The following PITPNM1 variants were observed in gnomAD, a reference collection of about 807,000 sequenced individuals.
The protein encoded by PITPNM1 is membrane-associated phosphatidylinositol transfer protein 1.
Under a neutral mutation model 133.3 loss-of-function variants are expected in PITPNM1, and 74 were observed. The observed-to-expected ratio is 0.56, with a 90% CI of 0.46 to 0.67. PITPNM1 has a LOEUF of 0.67. Among genes scored for constraint, PITPNM1 ranks in the 30% least tolerant of loss-of-function variants. PITPNM1 has a pLI of 0.00. For synonymous variants in PITPNM1, 738 were observed against 741.4 expected (o/e 1.00, Z 0.08); for missense variants, 1,398 against 1,739.5 (o/e 0.80, Z 3.49).
chr11:67,495,624 C>A, intron 15 of PITPNM1, 22 bp from the exon 16 acceptor site: 1 of 1,542,726 alleles, frequency 6.5e-7, no homozygotes, highest in South Asian at 1.2e-5. Flanking sequence ...AGGGCAAGGT[C>A]AGCAGGGGCC....
rs151074608 is a variant in PITPNM1 at position 67,495,482 on chromosome 11, G to A, written c.2438C>T (p.Pro813Leu). 267 of 1,557,674 alleles carry A rather than the reference G, an allele frequency of 1.7e-4. 2 individuals are homozygous for A. The East Asian group carries it at 3.8e-3, about 22-fold the overall frequency. The change falls in exon 16 of 24, where the codon CCG becomes CTG. Residue 813 changes from proline to leucine, a missense_variant. By Grantham distance (98) the Pro-to-Leu change is moderately conservative. Coordinates refer to ENST00000356404, the MANE Select transcript of PITPNM1 (RefSeq NM_004910.3). Reference protein sequence around the residue: ...WKGSELATDPPAQPAAPSTTS... With the variant: ...WKGSELATDPLAQPAAPSTTS... The stretch of plus-strand genomic sequence containing the variant: ...GGTGCTGGGGGCGGCTGGCTGGGCC[G>A]GGGGGTCAGTGGCCAACTCACTGCC...
rs762374136 is a variant in PITPNM1 at position 67,493,819 on chromosome 11, G to A, written c.3027C>T (p.Ala1009=). ...RMVVRGDHTY[A]ECCLTVVARG... ...GGGCCACCACAGTCAGGCAGCATTCGGCATAGGTGTGGTCGCCCCTGCGGC... is the reference window on the plus strand; with the variant it reads ...GGGCCACCACAGTCAGGCAGCATTCAGCATAGGTGTGGTCGCCCCTGCGGC... The change falls in exon 21 of 24, where the codon GCC becomes GCT. Residue 1009 remains alanine (A), a synonymous_variant. Coordinates refer to ENST00000356404, the MANE Select transcript of PITPNM1 (RefSeq NM_004910.3). The A allele has an allele frequency of 7.9e-5, 123 of 1,548,140 alleles. 1 individual carries two copies. In the East Asian group the frequency reaches 2.9e-3, roughly 37 times the overall value.
At position 67,503,611 on chromosome 11, in the gene PITPNM1, G is replaced by T. The variant is rs554256765; in HGVS notation, c.78+492C>A. Among the ~76,000 whole-genome samples the T allele has an allele frequency of 2.0e-5, 3 of 152,172 alleles. No individual in the cohort carries two copies. The East Asian group carries it at 5.8e-4, about 29-fold the overall frequency. On this transcript the variant is annotated intron_variant, in intron 2 of 23. Coordinates refer to ENST00000356404, the MANE Select transcript of PITPNM1 (RefSeq NM_004910.3). ...TCTGGAGCAGACTCCCCCAGGCCCC[G>T]CACCAACCCGGCCACTGCTGAGGGC...
chr11:67,498,057 C>T lies in PITPNM1; in HGVS notation c.1675-33G>A. 1 of 1,607,394 alleles carries T rather than the reference C, an allele frequency of 6.2e-7. No individual in the cohort carries two copies. ...GGAGCAGGGGCACCATCAGGAGAGG[C>T]CTTGTCCTCACCCAGGCCAGACTAC... On this transcript the variant is annotated intron_variant, in intron 11 of 23. Transcript: ENST00000356404. This position sits in a 1 kb window ranked among gnomAD's most constrained non-coding sequence, Gnocchi z 5.7.
At chr11:67,493,385 C>T (rs1219172614) in intron 22 of PITPNM1, 25 bp downstream of exon 22, 2 of 1,543,492 alleles carry the variant, frequency 1.3e-6, no homozygotes, top group Non-Finnish European at 1.8e-6. Context: ...GGGTCAGGAC[C>T]CGGAGCCTCC....
chr11:67,494,823 G>GGACGAGA, intron 18 of PITPNM1, 23 bp downstream of exon 18: 1 of 769,748 alleles, frequency 1.3e-6, no homozygotes, highest in Non-Finnish European at 2.1e-6. Context: ...AGTGGGCGAG[G>GGACGAGA]GGGCGAGGGG....
chr11:67,497,562 TG>T lies in PITPNM1; in HGVS notation c.1899del (p.Ser634AlafsTer77). On this transcript the variant is annotated frameshift_variant, in exon 13 of 24. Coordinates refer to ENST00000356404, the MANE Select transcript of PITPNM1 (RefSeq NM_004910.3). LOFTEE classifies it high-confidence loss of function. ...TCGGGCTCAGGACTGGCCATGTCGCTGGGGATGCGCTGGGGAGGCAAGGCCG... is the reference window on the plus strand; with the variant it reads ...TCGGGCTCAGGACTGGCCATGTCGCTGGGATGCGCTGGGGAGGCAAGGCCG... Reference protein sequence around the residue: ...EPSALPPQRIPSDMASPEPEG... With the variant: ...EPSALPPQRIXSDMASPEPEG... The T allele has an allele frequency of 2.5e-6, 4 of 1,609,338 alleles. No homozygotes were observed. Among genetic ancestry groups the T allele is most frequent in the Non-Finnish European group, 3.4e-6 (4 of 1,178,852 alleles).
At position 67,496,178 on chromosome 11, in the gene PITPNM1, C is replaced by A. The variant is rs1314282598; in HGVS notation, c.2317G>T (p.Ala773Ser). Residue 773 changes from alanine (A) to serine (S), a missense_variant and splice_region_variant, in exon 15 of 24, where the codon GCC (alanine) becomes TCC (serine). Physicochemically the swap from Ala to Ser is moderately conservative, Grantham distance 99. This residue lies in a region of PITPNM1 where 574 missense variants were observed against 698.7 expected (regional missense o/e 0.82). Coordinates refer to ENST00000356404, the MANE Select transcript of PITPNM1 (RefSeq NM_004910.3). ...CCCTTTATCTTGTTTGGGGGCGTAC[C>A]CAGCAGCAGGGATGAGCCATCTCCC... ...PLGDGSSLLL[A>S]DTLQTHSSLF... The A allele has an allele frequency of 5.9e-6, 9 of 1,518,450 alleles. No homozygotes were observed. Among genetic ancestry groups the A allele is most frequent in the Middle Eastern group, 1.7e-4 (1 of 5,764 alleles). 94.1% of individuals were successfully genotyped at this position (1,518,450 alleles called of 1,614,324 possible).
At position 67,500,111 on chromosome 11, in the gene PITPNM1, G is replaced by A; in HGVS notation, c.951C>T (p.Tyr317=). The A allele has an allele frequency of 3.1e-6, 5 of 1,595,840 alleles. No homozygotes were observed. Among genetic ancestry groups the A allele is most frequent in the Non-Finnish European group, 4.3e-6 (5 of 1,168,638 alleles). The change falls in exon 6 of 24, where the codon TAC becomes TAT. Residue 317 remains tyrosine (Y), a synonymous_variant. Transcript: ENST00000356404. Reference sequence around the variant, plus strand: ...CAGCCTCACCTCCATGTTGGGATGAGTAGGAGGAACGGGAGGATGAGGACC... The same window carrying A: ...CAGCCTCACCTCCATGTTGGGATGAATAGGAGGAACGGGAGGATGAGGACC... ...KQWSSSSRSS[Y]SSQHGGAVSP... is the part of the protein sequence containing the mutation.
intron 14 of PITPNM1, chr11:67,496,955 A>C: frequency 3.1e-6 from 1 of 321,000 alleles, no homozygotes; most frequent in East Asian, 5.1e-5. Flanking sequence ...AAGGCTGAGA[A>C]GAGGGCAGCG....
rs1009598467 is a variant in PITPNM1 at position 67,497,506 on chromosome 11, G to A, written c.1940+16C>T. 2 of 1,603,348 alleles carry A rather than the reference G, an allele frequency of 1.2e-6. No individual in the cohort carries two copies. The highest frequency in any genetic ancestry group is 1.7e-5 in the Admixed American group (1 of 57,748). On this transcript the variant is annotated intron_variant, in intron 13 of 23. Coordinates refer to ENST00000356404, the MANE Select transcript of PITPNM1 (RefSeq NM_004910.3). ...ATCATGTGCCCAGGGTAGGGGTGAT[G>A]GGGCAGGGACGTCACCTGTTCTGAG...
chr11:67,494,939 C>G lies in PITPNM1; in HGVS notation c.2649G>C (p.Arg883=), dbSNP rs1866065889. The G allele has an allele frequency of 6.2e-7, 1 of 1,612,612 alleles. No individual in the cohort carries two copies. Among genetic ancestry groups the G allele is most frequent in the African/African-American group, 1.3e-5 (1 of 74,882 alleles). The change falls in exon 18 of 24, where the codon CGG becomes CGC. Residue 883 remains arginine (R), a synonymous_variant. Coordinates refer to ENST00000356404, the MANE Select transcript of PITPNM1 (RefSeq NM_004910.3). The stretch of plus-strand genomic sequence containing the variant: ...GCTCCTCGCATTCCGCCAGCTGTGG[C>G]CGCTCCTTCTCGATCACCTGCACGG... ...FILRQVIEKE[R]PQLAECEEPS... is the part of the protein sequence containing the mutation.
At chr11:67,499,128 C>T in intron 8 of PITPNM1, 127 bp from the exon 9 acceptor site, 11 of 872,972 alleles carry the variant, frequency 1.3e-5, no homozygotes, top group Non-Finnish European at 1.7e-5. Context: ...CCAAACTTCT[C>T]CTCCCACCAA....
Position 67,502,555 on chromosome 11 carries a change from G to A in PITPNM1, c.242C>T (p.Ala81Val). Reference sequence around the variant, plus strand: ...CCAGGATTCCTCTTCTACCTGCAGGGCAGCCTTGGGCAGCAGTGCCCGGAA... The same window carrying A: ...CCAGGATTCCTCTTCTACCTGCAGGACAGCCTTGGGCAGCAGTGCCCGGAA... ...GWFRALLPKAALQVEEESWNA... is the reference protein window; with the variant it reads ...GWFRALLPKAVLQVEEESWNA... The change falls in exon 3 of 24, where the codon GCC (alanine) becomes GTC (valine). Residue 81 changes from alanine to valine, a missense_variant. Ala to Val is a moderately conservative substitution (Grantham distance 64). Around this residue, in one of 5 missense-constraint regions of PITPNM1, gnomAD observed 274 missense variants for 360.7 expected, o/e 0.76. Transcript: ENST00000356404. This position sits in a 1 kb window ranked among gnomAD's most constrained non-coding sequence, Gnocchi z 5.9. 1.2e-6 allele frequency: 2 copies of A among 1,613,690 alleles called. No individual in the cohort carries two copies. Among genetic ancestry groups the A allele is most frequent in the African/African-American group, 1.3e-5 (1 of 75,060 alleles).
rs1225474931 is a variant in PITPNM1 at position 67,495,168 on chromosome 11, G to A, written c.2540C>T (p.Ala847Val). The change falls in exon 17 of 24, where the codon GCG (alanine) becomes GTG (valine). Residue 847 changes from alanine to valine, a missense_variant. Physicochemically the swap from Ala to Val is moderately conservative, Grantham distance 64. Transcript: ENST00000356404. ...RIDYSLYCPE[A>V]LTAFPTVTLP... is the part of the protein sequence containing the mutation. ...CGTGACGGTGGGAAAGGCGGTGAGC[G>A]CCTCGGGGCAGTACAGCGAGTAGTC... The A allele has an allele frequency of 2.5e-6, 4 of 1,611,678 alleles. No homozygotes were observed. Among genetic ancestry groups the A allele is most frequent in the Non-Finnish European group, 2.5e-6 (3 of 1,179,768 alleles).
At position 67,498,176 on chromosome 11, in the gene PITPNM1, G is replaced by A. The variant is rs773591290; in HGVS notation, c.1631C>T (p.Ser544Leu). 1 of 1,613,288 alleles carries A rather than the reference G, an allele frequency of 6.2e-7. No individual in the cohort carries two copies. The highest frequency in any genetic ancestry group is 8.5e-7 in the Non-Finnish European group (1 of 1,179,970). Residue 544 changes from serine to leucine, a missense_variant, in exon 11 of 24, where the codon TCA becomes TTA. Ser to Leu is a moderately radical substitution (Grantham distance 145). This residue lies in a region of PITPNM1 where 574 missense variants were observed against 698.7 expected (regional missense o/e 0.82). Coordinates refer to ENST00000356404, the MANE Select transcript of PITPNM1 (RefSeq NM_004910.3). The surrounding 1 kb of genome is among the most constrained non-coding windows in gnomAD (Gnocchi z 5.7). ...ACCCTCAGGTGAGCGCAGGAAGGCT[G>A]AGTAGGCCTGGTTGGTGCGGGCAAT... Reference protein sequence around the residue: ...TVIARTNQAYSAFLRSPEGAG... With the variant: ...TVIARTNQAYLAFLRSPEGAG...
chr11:67,502,641 G>A lies in PITPNM1; in HGVS notation c.156C>T (p.Pro52=), dbSNP rs148793135. 38 of 1,613,368 alleles carry A rather than the reference G, an allele frequency of 2.4e-5. No homozygotes were observed. Among genetic ancestry groups the A allele is most frequent in the Middle Eastern group, 1.6e-4 (1 of 6,084 alleles). ...TGTGTGTGTATTGCCCGCTGCCCCCGGGCCCATCCGTGTAGGGCCGGTTGG... is the reference window on the plus strand; with the variant it reads ...TGTGTGTGTATTGCCCGCTGCCCCCAGGCCCATCCGTGTAGGGCCGGTTGG... The part of the protein sequence containing the change: ...ILANRPYTDG[P]GGSGQYTHKV... Residue 52 remains proline, a synonymous_variant, in exon 3 of 24, where the codon CCC becomes CCT. Transcript: ENST00000356404. This position sits in a 1 kb window ranked among gnomAD's most constrained non-coding sequence, Gnocchi z 5.9.
intron 22 of PITPNM1, 39 bp downstream of exon 22, chr11:67,493,371 G>T: frequency 1.3e-6 from 2 of 1,515,408 alleles, no homozygotes; most frequent in Middle Eastern, 3.7e-4. Context: ...GGGGAGCGGG[G>T]GCGGGGTCAG....
intron 13 of PITPNM1, 21 bp downstream of exon 13, chr11:67,497,501 G>A: frequency 1.2e-6 from 2 of 1,603,656 alleles, no homozygotes; most frequent in East Asian, 2.2e-5. Flanking sequence ...CAGGGTAGGG[G>A]TGATGGGGCA....
Sources: allele counts gnomAD v4.1 joint callset (sites outside exome capture counted in the v4.1 genomes callset), GRCh38; gene constraint gnomAD v4.1.1; regional missense constraint gnomAD v4.1.1; non-coding constraint Gnocchi (gnomAD v3.1); transcripts MANE v1.5; gene names NCBI Gene and HGNC (gene_info 2026-07-23, HGNC 2026-07-21).